KIF24: variants seen among roughly 807,000 people sequenced by gnomAD.
KIF24 encodes kinesin family member 24.
Under a neutral mutation model 118.9 loss-of-function variants are expected in KIF24, and 81 were observed. The observed-to-expected ratio is 0.68, with a 90% CI of 0.57 to 0.82. The LOEUF (loss-of-function observed/expected upper bound fraction) is 0.82, where lower values mean the gene tolerates loss of function less well. Ranked by LOEUF, KIF24 falls within the 40% of genes least tolerant of loss-of-function variation. The pLI, the probability that KIF24 is intolerant of heterozygous loss-of-function variation, is 0.00. For synonymous variants in KIF24, 599 were observed against 610.0 expected, an observed-to-expected ratio of 0.98 and a Z score of 0.27; for missense variants, 1,560 against 1,661.6, an observed-to-expected ratio of 0.94 and a Z score of 1.06.
At chr9:34,271,310 C>T (rs866484781) in intron 7 of KIF24, among the ~76,000 whole-genome samples, 5 of 139,674 alleles carry the variant, frequency 3.6e-5, no homozygotes, top group African/African-American at 1.1e-4. Flanking sequence ...GAAACTTTTG[C>T]GGACAGCAAT....
At position 34,311,054 on chromosome 9, in the gene KIF24, A is replaced by G; in HGVS notation, c.293T>C (p.Leu98Pro). Residue 98 changes from leucine (L) to proline (P), a missense_variant, in exon 2 of 13, where the codon CTG (leucine) becomes CCG (proline). Leu to Pro is a moderately conservative substitution (Grantham distance 98). Coordinates refer to ENST00000402558, the MANE Select transcript of KIF24 (RefSeq NM_194313.4). ...ATTGTCAGCAGGAGAATCAAAATTC[A>G]GCTGTCTGCGAGGGCCAGATCTTAA... ...QELRSGPRRQLNFDSPADNKD... is the reference protein window; with the variant it reads ...QELRSGPRRQPNFDSPADNKD... 1 of 1,613,950 alleles carries G rather than the reference A, an allele frequency of 6.2e-7. No individual in the cohort carries two copies. The highest frequency in any genetic ancestry group is 8.5e-7 in the Non-Finnish European group (1 of 1,179,826).
chr9:34,295,511 T>C (rs1009261578), intron 4 of KIF24, among the ~76,000 whole-genome samples: 7 of 151,930 alleles, frequency 4.6e-5, no homozygotes, highest in Non-Finnish European at 1.0e-4. Flanking sequence ...ACCCCATCTC[T>C]AAAAAAATAC....
chr9:34,289,255 G>C (rs1836164843), intron 5 of KIF24, among the ~76,000 whole-genome samples: 1 of 152,074 alleles, frequency 6.6e-6, no homozygotes, highest in Non-Finnish European at 1.5e-5. Context: ...CTCTACAATG[G>C]GGGCCTGCCC....
chr9:34,281,411 A>G (rs1835846848), intron 6 of KIF24, among the ~76,000 whole-genome samples: 1 of 152,182 alleles, frequency 6.6e-6, no homozygotes, highest in Non-Finnish European at 1.5e-5. Context: ...AGTGAGATCA[A>G]TCCAAGCTGA....
chr9:34,277,883 A>G (rs1835712425), intron 6 of KIF24, among the ~76,000 whole-genome samples: 1 of 152,206 alleles, frequency 6.6e-6, no homozygotes, highest in Non-Finnish European at 1.5e-5. Context: ...TGAAATCTGG[A>G]GTCAGGTTGC....
intron 8 of KIF24, among the ~76,000 whole-genome samples, chr9:34,267,402 C>T (rs941776103): frequency 6.6e-6 from 1 of 152,096 alleles, no homozygotes; most frequent in Non-Finnish European, 1.5e-5. Flanking sequence ...TCTCTATCTC[C>T]TAATGTATTG....
chr9:34,258,063 A>G, intron 10 of KIF24, 82 bp from the exon 11 acceptor site: 1 of 1,067,222 alleles, frequency 9.4e-7, no homozygotes, highest in Admixed American at 2.3e-5. Flanking sequence ...GAAAACAAAA[A>G]CCAAAGAAAA....
chr9:34,271,173 A>G (rs1235366873), intron 7 of KIF24, among the ~76,000 whole-genome samples: 1 of 152,096 alleles, frequency 6.6e-6, no homozygotes, highest in Admixed American at 6.5e-5. Context: ...GGTACTGTCC[A>G]CTCAAACATG....
At chr9:34,264,776 C>T (rs944914306) in intron 8 of KIF24, among the ~76,000 whole-genome samples, 3 of 151,982 alleles carry the variant, frequency 2.0e-5, no homozygotes, top group Non-Finnish European at 4.4e-5. Context: ...AAGTTTGGCT[C>T]CCTCTCTCAC....
intron 7 of KIF24, among the ~76,000 whole-genome samples, 182 bp from the exon 8 acceptor site, chr9:34,269,544 C>G (rs559121395): frequency 9.0e-4 from 137 of 152,106 alleles, no homozygotes; most frequent in African/African-American, 3.1e-3. Flanking sequence ...CTCAGCCTCC[C>G]GAGTAGCTGG....
chr9:34,286,583 G>C, intron 6 of KIF24, 34 bp downstream of exon 6: 1 of 1,423,882 alleles, frequency 7.0e-7, no homozygotes, highest in Non-Finnish European at 9.9e-7. Flanking sequence ...TTACACTGTT[G>C]TGGTGGGGTA....
In KIF24 at chr9:34,286,717, G is replaced by GA; in HGVS notation, c.1128-14dup. On this transcript the variant is annotated splice_polypyrimidine_tract_variant and intron_variant, in intron 5 of 12. Transcript: ENST00000402558. ...TCTTGCAAAGAGCCTGCAGATGCAA[G>GA]AAAGTGGTTGGTATGATGGTGCTAC... 2 of 1,591,128 alleles carry GA rather than the reference G, an allele frequency of 1.3e-6. No homozygotes were observed. Among genetic ancestry groups the GA allele is most frequent in the Non-Finnish European group, 1.7e-6 (2 of 1,159,680 alleles).
chr9:34,301,833 T>C (rs1047220659), intron 3 of KIF24, among the ~76,000 whole-genome samples: 2 of 151,754 alleles, frequency 1.3e-5, no homozygotes, highest in African/African-American at 4.8e-5. Context: ...CAAGACCCTG[T>C]CTCAGAAAAA....
chr9:34,291,347 A>G (rs1836247816), intron 4 of KIF24, among the ~76,000 whole-genome samples: 1 of 151,986 alleles, frequency 6.6e-6, no homozygotes, highest in African/African-American at 2.4e-5. Context: ...CTTGAGGGGA[A>G]AAAAAAAGCC....
In KIF24 at chr9:34,252,953, A is replaced by T. The variant is rs774310867; in HGVS notation, c.*1427T>A. On this transcript the variant is annotated 3_prime_UTR_variant, in exon 13 of 13. Transcript: ENST00000402558. Reference sequence around the variant, plus strand: ...ATGATAGAATAGGGTTCATTCCTAAAGTAAGTAAGTTTTTGTCCTTGACCT... The same window carrying T: ...ATGATAGAATAGGGTTCATTCCTAATGTAAGTAAGTTTTTGTCCTTGACCT... 2.0e-5 allele frequency: 3 copies of T among 152,106 alleles called. No individual in the cohort carries two copies. The highest frequency in any genetic ancestry group is 4.4e-5 in the Non-Finnish European group (3 of 68,056). 9.4% of individuals were successfully genotyped at this position (152,106 alleles called of 1,614,324 possible). A position where few individuals can be genotyped will look rare whatever the true frequency, so the allele number is the denominator to read the frequency against.
intron 3 of KIF24, among the ~76,000 whole-genome samples, chr9:34,304,623 G>T (rs1226805189): frequency 6.6e-6 from 1 of 152,090 alleles, no homozygotes; most frequent in African/African-American, 2.4e-5. Context: ...CTCCCACTGA[G>T]AACTAATAGA....
chr9:34,255,250 G>A, intron 11 of KIF24, 85 bp from the exon 12 acceptor site: 1 of 827,622 alleles, frequency 1.2e-6, no homozygotes. Context: ...TCATTTGTAA[G>A]CTGAGAGCTG....
intron 1 of KIF24, among the ~76,000 whole-genome samples, chr9:34,323,543 GCT>G: frequency 6.6e-6 from 1 of 152,278 alleles, no homozygotes; most frequent in Middle Eastern, 3.4e-3. Context: ...TTAAAATCTT[GCT>G]CTGACAGACT....
intron 9 of KIF24, among the ~76,000 whole-genome samples, chr9:34,260,243 T>TATG (rs1461219391): frequency 1.3e-5 from 2 of 152,188 alleles, no homozygotes; most frequent in Non-Finnish European, 2.9e-5. Flanking sequence ...TCTAGGACTT[T>TATG]ATCCTAAGGA....
Sources: gnomAD v4.1 joint callset for allele counts (sites outside exome capture counted in the v4.1 genomes callset) on GRCh38, gnomAD v4.1.1 for gene constraint, MANE v1.5 for transcripts, NCBI Gene and HGNC (gene_info 2026-07-23, HGNC 2026-07-21) for gene names.